Variants in AGAP1 observed in about 807,000 individuals in gnomAD.
AGAP1 encodes arf-GAP with GTPase, ANK repeat and PH domain-containing protein 1.
AGAP1 carries 29 observed loss-of-function variants against 105.3 expected under a neutral mutation model. That is an observed-to-expected ratio of 0.28 (90% CI 0.21 to 0.38). The LOEUF is 0.38. Ranked by LOEUF, AGAP1 falls within the 10% of genes least tolerant of loss-of-function variation. The probability of loss-of-function intolerance (pLI) is 1.00; values close to 1 mark genes in which losing one functional copy is unlikely to be tolerated. For synonymous variants in AGAP1, 509 were observed against 485.9 expected (o/e 1.05, Z -0.63); for missense variants, 998 against 1,165.1 (o/e 0.86, Z 2.09).
At chr2:235,629,880 A>AAAAG (rs1461355746) in intron 1 of AGAP1, among the ~76,000 whole-genome samples, 20 of 151,046 alleles carry the variant, frequency 1.3e-4, no homozygotes, top group African/African-American at 1.7e-4. Context: ...AAAAAAAAAA[A>AAAAG]AAAGAAAGAA....
At chr2:235,715,905 TGAG>T (rs557576116) in intron 2 of AGAP1, among the ~76,000 whole-genome samples, 105 of 151,914 alleles carry the variant, frequency 6.9e-4, no homozygotes, top group Non-Finnish European at 1.0e-3. Context: ...CAGAAGCTGA[TGAG>T]GAGACTGGGA....
At chr2:235,525,490 G>T (rs1942797798) in intron 1 of AGAP1, among the ~76,000 whole-genome samples, 1 of 150,936 alleles carries the variant, frequency 6.6e-6, no homozygotes, top group African/African-American at 2.5e-5. Context: ...TAACGTGGAG[G>T]ACTGATACAT....
chr2:235,581,134 CA>C (rs60330965), intron 1 of AGAP1, among the ~76,000 whole-genome samples: 4,577 of 87,658 alleles, frequency 0.052, 111 homozygotes, highest in African/African-American at 0.16. Context: ...CCATCTCAAG[CA>C]AAAAAAAAAA....
chr2:235,511,709 GTTC>G (rs999076798), intron 1 of AGAP1, among the ~76,000 whole-genome samples: 5 of 152,070 alleles, frequency 3.3e-5, no homozygotes, highest in African/African-American at 1.2e-4. Context: ...TCCCCTGGCA[GTTC>G]TTCTATTTGT....
At chr2:235,670,751 A>G (rs1434723920) in intron 1 of AGAP1, 2 of 1,005,158 alleles carry the variant, frequency 2.0e-6, no homozygotes, top group Non-Finnish European at 2.9e-6. Flanking sequence ...CGAGGTGCTC[A>G]GCAAGAACGA....
At chr2:235,602,297 C>T (rs1292105936) in intron 1 of AGAP1, among the ~76,000 whole-genome samples, 1 of 151,552 alleles carries the variant, frequency 6.6e-6, no homozygotes, top group Non-Finnish European at 1.5e-5. Flanking sequence ...CATGTGACAT[C>T]AGCAGAATTC....
chr2:235,920,684 C>T (rs566196780), intron 11 of AGAP1, among the ~76,000 whole-genome samples: 6 of 152,294 alleles, frequency 3.9e-5, no homozygotes, highest in African/African-American at 1.2e-4. Flanking sequence ...AGGCAGATGG[C>T]ATGCACAGTT....
Position 235,961,231 on chromosome 2 carries a change from C to T in AGAP1, c.1484-7231C>T, listed in dbSNP as rs1018465778. On this transcript the variant is annotated intron_variant, in intron 12 of 17. Coordinates refer to ENST00000304032, the MANE Select transcript of AGAP1 (RefSeq NM_001037131.3). The surrounding 1 kb of genome is among the most constrained non-coding windows in gnomAD (Gnocchi z 5.9). ...ACAGGGGGCCGGGAGGGGCTGGATG[C>T]GCCAGTGGCCAGCTTGGGGAAGGCC... Among the ~76,000 whole-genome samples, 16 of 152,316 alleles carry T rather than the reference C, an allele frequency of 1.1e-4. No homozygotes were observed. The highest frequency in any genetic ancestry group is 2.6e-4 in the African/African-American group (11 of 41,574).
Position 236,036,149 on chromosome 2 carries a change from A to T in AGAP1, c.1646-412A>T, listed in dbSNP as rs917226595. Among the ~76,000 whole-genome samples the T allele has an allele frequency of 6.6e-6, 1 of 152,156 alleles. No individual in the cohort carries two copies. Among genetic ancestry groups the T allele is most frequent in the Non-Finnish European group, 1.5e-5 (1 of 68,036 alleles). Reference sequence around the variant, plus strand: ...TCCTCTATCCATGGAGTGTCTGTGGATCTACGCGAGTGCTTAGATAGAAAT... The same window carrying T: ...TCCTCTATCCATGGAGTGTCTGTGGTTCTACGCGAGTGCTTAGATAGAAAT... On this transcript the variant is annotated intron_variant, in intron 13 of 17. Transcript: ENST00000304032. The surrounding 1 kb of genome is among the most constrained non-coding windows in gnomAD (Gnocchi z 5.7).
At chr2:235,827,718 C>T (rs1300927978) in intron 9 of AGAP1, among the ~76,000 whole-genome samples, 1 of 152,188 alleles carries the variant, frequency 6.6e-6, no homozygotes, top group Non-Finnish European at 1.5e-5. Context: ...AACTACACTT[C>T]CAAGGTTAGT....
In AGAP1 at chr2:235,569,111, C is replaced by T. The variant is rs1574865580; in HGVS notation, c.163+74262C>T. ...CATGATTCAGTTTCCCTCACGTTGT[C>T]AGAGACCATCCTGGCCAACATGGCG... On this transcript the variant is annotated intron_variant, in intron 1 of 17. Transcript: ENST00000304032. This position sits in a 1 kb window ranked among gnomAD's most constrained non-coding sequence, Gnocchi z 5.9. Among the ~76,000 whole-genome samples the T allele has an allele frequency of 6.6e-6, 1 of 152,160 alleles. No individual in the cohort carries two copies. The highest frequency in any genetic ancestry group is 1.9e-4 in the East Asian group (1 of 5,184).
intron 6 of AGAP1, chr2:235,776,846 C>T (rs1161888163): frequency 1.3e-5 from 6 of 467,282 alleles, no homozygotes; most frequent in East Asian, 1.4e-4. Context: ...ACTCGGAGCC[C>T]CTTTTCCAAA....
At chr2:235,618,733 C>A (rs1559293019) in intron 1 of AGAP1, among the ~76,000 whole-genome samples, 3 of 151,926 alleles carry the variant, frequency 2.0e-5, no homozygotes, top group African/African-American at 7.3e-5. Context: ...TCTTATTTAA[C>A]CCTCAAAACA....
At chr2:235,920,052 T>C (rs981553507) in intron 11 of AGAP1, among the ~76,000 whole-genome samples, 5 of 152,166 alleles carry the variant, frequency 3.3e-5, no homozygotes, top group Admixed American at 3.3e-4. Context: ...TTTTAGGAAG[T>C]GACGACGAAC....
At chr2:236,067,280 C>T (rs2058371100) in intron 16 of AGAP1, among the ~76,000 whole-genome samples, 2 of 152,044 alleles carry the variant, frequency 1.3e-5, no homozygotes, top group Admixed American at 6.5e-5. Context: ...ATTAAATGAA[C>T]AATATATATA....
intron 10 of AGAP1, among the ~76,000 whole-genome samples, chr2:235,896,626 T>C (rs1430211304): frequency 6.6e-6 from 1 of 152,208 alleles, no homozygotes; most frequent in African/African-American, 2.4e-5. Context: ...AGCAATGACA[T>C]GGTCACATGG....
At chr2:235,797,725 G>C (rs756512157) in intron 6 of AGAP1, 34 bp from the exon 7 acceptor site, 1 of 1,613,762 alleles carries the variant, frequency 6.2e-7, no homozygotes, top group East Asian at 2.2e-5. Context: ...GAAATTGATT[G>C]ACATGGATTT....
intron 1 of AGAP1, among the ~76,000 whole-genome samples, chr2:235,673,894 CTAAG>C (rs1204054394): frequency 6.6e-5 from 10 of 152,204 alleles, no homozygotes; most frequent in African/African-American, 2.4e-4. Context: ...AATCTAAAGA[CTAAG>C]TAATTATTGC....
intron 1 of AGAP1, among the ~76,000 whole-genome samples, chr2:235,672,492 T>G (rs1211470329): frequency 6.6e-6 from 1 of 152,246 alleles, no homozygotes; most frequent in African/African-American, 2.4e-5. Flanking sequence ...TAGAAGGCAC[T>G]GTATTTAACT....
Sources: allele counts gnomAD v4.1 joint callset (sites outside exome capture counted in the v4.1 genomes callset), GRCh38; gene constraint gnomAD v4.1.1; non-coding constraint Gnocchi (gnomAD v3.1); transcripts MANE v1.5; gene names NCBI Gene and HGNC (gene_info 2026-07-23, HGNC 2026-07-21).